Variants in CDH23 observed in about 807,000 individuals in gnomAD.
CDH23 encodes cadherin related 23, also known as cadherin-23.
A neutral mutation model predicts 317.1 loss-of-function variants in CDH23; 189 were observed. That is an observed-to-expected ratio of 0.60 (90% CI 0.53 to 0.67). The LOEUF is 0.67. Ranked by LOEUF, CDH23 falls within the 30% of genes least tolerant of loss-of-function variation. CDH23 has a pLI of 0.00. For synonymous variants in CDH23, 1,839 were observed against 1,876.8 expected, an observed-to-expected ratio of 0.98 and a Z score of 0.52; for missense variants, 4,401 against 4,592.4, an observed-to-expected ratio of 0.96 and a Z score of 1.20.
intron 6 of CDH23, among the ~76,000 whole-genome samples, chr10:71,526,151 C>T (rs1227236156): frequency 6.6e-6 from 1 of 152,186 alleles, no homozygotes; most frequent in Non-Finnish European, 1.5e-5. Context: ...ACAAGAAAGC[C>T]GGGCCCTGCC....
chr10:71,686,333 G>A (rs1282055099), intron 18 of CDH23, among the ~76,000 whole-genome samples: 1 of 152,190 alleles, frequency 6.6e-6, no homozygotes, highest in African/African-American at 2.4e-5. Flanking sequence ...GCACGCAGCT[G>A]GGGCATTGGA....
At chr10:71,697,397 A>G (rs1051274186) in intron 22 of CDH23, among the ~76,000 whole-genome samples, 5 of 152,228 alleles carry the variant, frequency 3.3e-5, no homozygotes, top group African/African-American at 1.2e-4. Context: ...GGCCAGGTGC[A>G]GTGGCTCACG....
chr10:71,810,090 C>A lies in CDH23; in HGVS notation c.8979+14C>A. The A allele has an allele frequency of 6.2e-7, 1 of 1,608,790 alleles. No homozygotes were observed. The highest frequency in any genetic ancestry group is 8.5e-7 in the Non-Finnish European group (1 of 1,176,884). On this transcript the variant is annotated intron_variant, in intron 61 of 69. Coordinates refer to ENST00000224721, the MANE Select transcript of CDH23 (RefSeq NM_022124.6). ...GACAATGTGCAGGTGCCTCATGGGC[C>A]CACCCGGGGCCGGGGCAGTGGAGGG... is the stretch of plus-strand genomic sequence containing the variant.
chr10:71,450,543 C>T (rs911551189), intron 3 of CDH23, among the ~76,000 whole-genome samples: 1 of 152,184 alleles, frequency 6.6e-6, no homozygotes, highest in Middle Eastern at 3.2e-3. Context: ...GCTAGGATTA[C>T]AGGCGTGAGC....
In CDH23 at chr10:71,597,018, T is replaced by C. The variant is rs566767351; in HGVS notation, c.833-18486T>C. ...CCACAAAGTAATCCCCAGCACACTC[T>C]GGCAGATTTATGGAGGTCGCCTCTG... On this transcript the variant is annotated intron_variant, in intron 9 of 69. Transcript: ENST00000224721. 1.1e-4 allele frequency among the ~76,000 whole-genome samples: 16 copies of C among 152,364 alleles called. No individual in the cohort carries two copies. The East Asian group carries it at 3.1e-3, about 29-fold the overall frequency.
chr10:71,452,225 A>C (rs1261534122), intron 3 of CDH23, among the ~76,000 whole-genome samples: 2 of 152,100 alleles, frequency 1.3e-5, no homozygotes, highest in Non-Finnish European at 2.9e-5. Context: ...TGGAGACACC[A>C]AGTTGACCAA....
At chr10:71,776,331 G>C (rs1291365473) in intron 38 of CDH23, among the ~76,000 whole-genome samples, 1 of 152,162 alleles carries the variant, frequency 6.6e-6, no homozygotes, top group Non-Finnish European at 1.5e-5. Context: ...GGTAGCTCCA[G>C]AGCCAGCCAG....
chr10:71,593,107 C>T (rs898286257), intron 9 of CDH23, among the ~76,000 whole-genome samples: 2 of 152,220 alleles, frequency 1.3e-5, no homozygotes, highest in African/African-American at 4.8e-5. Context: ...GCCCCAAATA[C>T]ATCTAGTACA....
chr10:71,654,943 C>T (rs552136009), intron 14 of CDH23, among the ~76,000 whole-genome samples: 3 of 152,240 alleles, frequency 2.0e-5, no homozygotes, highest in East Asian at 3.9e-4. Context: ...GGAGAGAGGA[C>T]GTAGATCTCC....
intron 30 of CDH23, among the ~76,000 whole-genome samples, chr10:71,728,701 G>C (rs1329727660): frequency 6.6e-6 from 1 of 152,136 alleles, no homozygotes; most frequent in South Asian, 2.1e-4. Context: ...AGTTCCTACC[G>C]GCCCCAGCTC....
chr10:71,801,451 G>A (rs775461928), intron 53 of CDH23, among the ~76,000 whole-genome samples: 1 of 151,916 alleles, frequency 6.6e-6, no homozygotes, highest in Non-Finnish European at 1.5e-5. Flanking sequence ...ACCGAGCCCG[G>A]CCTATTTATG....
intron 1 of CDH23, among the ~76,000 whole-genome samples, chr10:71,426,725 T>C (rs1243514648): frequency 6.6e-6 from 1 of 152,258 alleles, no homozygotes; most frequent in African/African-American, 2.4e-5. Flanking sequence ...AAAACTGTTC[T>C]ATTGATATGT....
chr10:71,811,267 T>TG, intron 62 of CDH23, 48 bp from the exon 63 acceptor site: 1 of 1,612,106 alleles, frequency 6.2e-7, no homozygotes, highest in South Asian at 1.1e-5. Context: ...CTGTCGGTGG[T>TG]GGGGGAATGG....
rs557812549 is a variant in CDH23, at chr10:71,499,270, T to A, written c.146-10812T>A. Among the ~76,000 whole-genome samples the A allele has an allele frequency of 9.2e-5, 14 of 152,162 alleles. No individual in the cohort carries two copies. In the South Asian group the frequency reaches 2.7e-3, roughly 29 times the overall value. On this transcript the variant is annotated intron_variant, in intron 3 of 69. Coordinates refer to ENST00000224721, the MANE Select transcript of CDH23 (RefSeq NM_022124.6). ...GGGGAGAGAGTGAAAGAGGGGATGG[T>A]TGATGAGTAAAAAAATATAGTTAGC...
At chr10:71,675,626 G>A (rs544324433) in intron 15 of CDH23, among the ~76,000 whole-genome samples, 9 of 152,290 alleles carry the variant, frequency 5.9e-5, no homozygotes, top group Admixed American at 2.0e-4. Flanking sequence ...TTACAGATGA[G>A]GAAAGTGCAA....
At chr10:71,808,083 A>T in intron 60 of CDH23, 76 bp downstream of exon 60, 1 of 1,529,744 alleles carries the variant, frequency 6.5e-7, no homozygotes, top group African/African-American at 1.4e-5. Flanking sequence ...CTGGGGGGAG[A>T]TGGGGTCTGT....
chr10:71,686,696 T>G (rs1864913658), intron 18 of CDH23, among the ~76,000 whole-genome samples: 1 of 152,116 alleles, frequency 6.6e-6, no homozygotes, highest in African/African-American at 2.4e-5. Flanking sequence ...ACATAAAGAC[T>G]GCCCAACGGT....
At chr10:71,617,122 G>T in intron 10 of CDH23, 83 bp from the exon 11 acceptor site, 1 of 1,504,100 alleles carries the variant, frequency 6.6e-7, no homozygotes, top group Non-Finnish European at 9.0e-7. Flanking sequence ...CACAGTGGCT[G>T]GTGCTGAGAA....
intron 14 of CDH23, among the ~76,000 whole-genome samples, chr10:71,651,576 G>A (rs1863175629): frequency 6.6e-6 from 1 of 151,196 alleles, no homozygotes; most frequent in Non-Finnish European, 1.5e-5. Flanking sequence ...AACCACTGGA[G>A]GAGAGAACAG....
Sources: gnomAD v4.1 joint callset for allele counts (sites outside exome capture counted in the v4.1 genomes callset) on GRCh38, gnomAD v4.1.1 for gene constraint, MANE v1.5 for transcripts, NCBI Gene and HGNC (gene_info 2026-07-23, HGNC 2026-07-21) for gene names.